The following TRPM8 variants were observed in gnomAD, a reference collection of about 807,000 sequenced individuals.
The protein encoded by TRPM8 is TRPM8 cationic channel.
A neutral mutation model predicts 133.7 loss-of-function variants in TRPM8; 110 were observed. The observed-to-expected ratio is 0.82, with a 90% confidence interval of 0.70 to 0.96. TRPM8 has a LOEUF of 0.96. TRPM8 is among the 40% of genes least tolerant of loss of function. TRPM8 has a pLI of 0.00. For synonymous variants in TRPM8, 535 were observed against 532.3 expected, an observed-to-expected ratio of 1.01 and a Z score of -0.07; for missense variants, 1,291 against 1,379.5, an observed-to-expected ratio of 0.94 and a Z score of 1.02.
intron 2 of TRPM8, among the ~76,000 whole-genome samples, chr2:233,927,864 T>TCTCTC (rs1559516549): frequency 2.6e-5 from 1 of 38,860 alleles, no homozygotes; most frequent in African/African-American, 2.3e-4. Flanking sequence ...TTCTTTCTCT[T>TCTCTC]TCTTTCTTTC....
At chr2:233,985,188 G>C (rs1348203986) in intron 20 of TRPM8, among the ~76,000 whole-genome samples, 1 of 152,092 alleles carries the variant, frequency 6.6e-6, no homozygotes, top group Non-Finnish European at 1.5e-5. Flanking sequence ...CTTTGCCCAT[G>C]CTGTTGCCTC....
At position 233,945,914 on chromosome 2, in the gene TRPM8, T is replaced by C; in HGVS notation, c.758T>C (p.Leu253Pro). 1 of 1,614,200 alleles carries C rather than the reference T, an allele frequency of 6.2e-7. No individual in the cohort carries two copies. The highest frequency in any genetic ancestry group is 8.5e-7 in the Non-Finnish European group (1 of 1,180,020). ...DDFTRDPLYI[L>P]DNNHTHLLLV... ...TTCACAAGAGATCCACTGTATATCC[T>C]GGACAACAACCACACACATTTGCTG... is the stretch of plus-strand genomic sequence containing the variant. Residue 253 changes from leucine (L) to proline (P), a missense_variant, in exon 7 of 26, where the codon CTG (leucine) becomes CCG (proline). This residue lies in a region of TRPM8 where 963 missense variants were observed against 968.9 expected (regional missense o/e 0.99). Coordinates refer to ENST00000324695, the MANE Select transcript of TRPM8 (RefSeq NM_024080.5).
intron 22 of TRPM8, among the ~76,000 whole-genome samples, chr2:233,997,454 C>G (rs948470808): frequency 2.6e-5 from 4 of 152,094 alleles, no homozygotes; most frequent in Non-Finnish European, 5.9e-5. Context: ...GGGGACTGAC[C>G]CTCCACAGCT....
chr2:233,972,459 T>C (rs1053230263), intron 17 of TRPM8, among the ~76,000 whole-genome samples: 5 of 152,260 alleles, frequency 3.3e-5, no homozygotes, highest in Admixed American at 6.5e-5. Context: ...AGTCCTGCGC[T>C]GTGCGCCCGC....
intron 17 of TRPM8, among the ~76,000 whole-genome samples, chr2:233,971,484 C>T (rs539133866): frequency 1.6e-4 from 25 of 152,298 alleles, no homozygotes; most frequent in South Asian, 1.2e-3. Flanking sequence ...CTGTGTCTGA[C>T]TTTCCTTGCC....
At position 233,969,710 on chromosome 2, in the gene TRPM8, C is replaced by T. The variant is rs1303089782; in HGVS notation, c.2041C>T (p.Gln681Ter). ...TTCCCTGTAGAATTTTCTTTCTAAG[C>T]AATGGTATGGAGAGATTTCCCGAGA... is the stretch of plus-strand genomic sequence containing the variant. Reference protein sequence around the residue: ...QPGVQNFLSKQWYGEISRDTK... With the variant: ...QPGVQNFLSK The change falls in exon 16 of 26, where the codon CAA (glutamine) becomes TAA (stop). Residue 681 changes from glutamine (Q) to a stop codon, truncating the protein, a stop_gained. Transcript: ENST00000324695. LOFTEE classifies it high-confidence loss of function. 4.3e-6 allele frequency: 7 copies of T among 1,610,388 alleles called. No homozygotes were observed. Among genetic ancestry groups the T allele is most frequent in the South Asian group, 1.1e-5 (1 of 90,982 alleles).
chr2:233,985,917 G>T, intron 21 of TRPM8, 52 bp downstream of exon 21: 1 of 1,538,360 alleles, frequency 6.5e-7, no homozygotes. Flanking sequence ...CAAGCCCCAT[G>T]CCAGGCTGGA....
chr2:233,963,474 A>C, intron 13 of TRPM8, 97 bp downstream of exon 13: 1 of 672,260 alleles, frequency 1.5e-6, no homozygotes, highest in Non-Finnish European at 2.5e-6. Context: ...ATAAAACATC[A>C]TCAGTGAAAT....
chr2:233,973,923 C>T (rs1691798354), intron 17 of TRPM8, among the ~76,000 whole-genome samples: 1 of 152,196 alleles, frequency 6.6e-6, no homozygotes, highest in African/African-American at 2.4e-5. Context: ...TGGGTGAGGC[C>T]CTGCGTTTTC....
At chr2:233,994,759 T>C (rs1574773706) in intron 21 of TRPM8, among the ~76,000 whole-genome samples, 1 of 152,184 alleles carries the variant, frequency 6.6e-6, no homozygotes, top group South Asian at 2.1e-4. Flanking sequence ...TCTCGTAACA[T>C]ATGTAATCGA....
chr2:233,917,793 A>G (rs1691331776), intron 1 of TRPM8, among the ~76,000 whole-genome samples: 1 of 149,560 alleles, frequency 6.7e-6, no homozygotes, highest in Admixed American at 6.6e-5. Flanking sequence ...TGACTATCTG[A>G]AGCAATCCTA....
intron 22 of TRPM8, among the ~76,000 whole-genome samples, chr2:234,001,421 G>T (rs1692560714): frequency 6.6e-6 from 1 of 151,882 alleles, no homozygotes; most frequent in African/African-American, 2.4e-5. Flanking sequence ...TGAAAAAAGT[G>T]CTCATAAAAT....
intron 4 of TRPM8, among the ~76,000 whole-genome samples, chr2:233,938,180 C>T (rs1690808445): frequency 6.6e-6 from 1 of 152,244 alleles, no homozygotes; most frequent in East Asian, 1.9e-4. Flanking sequence ...TCCCTGTGGC[C>T]TCAGCATGGC....
chr2:233,918,226 C>T (rs1691340777), intron 1 of TRPM8, among the ~76,000 whole-genome samples: 1 of 151,780 alleles, frequency 6.6e-6, no homozygotes, highest in Non-Finnish European at 1.5e-5. Flanking sequence ...AAAGGACTTA[C>T]TTCCAAGGTT....
At chr2:233,919,671 T>C (rs1222024755) in intron 1 of TRPM8, among the ~76,000 whole-genome samples, 1 of 151,854 alleles carries the variant, frequency 6.6e-6, no homozygotes, top group Non-Finnish European at 1.5e-5. Context: ...CCATGTGTTA[T>C]ATGGATTATT....
At chr2:233,994,504 C>T (rs1284745323) in intron 21 of TRPM8, among the ~76,000 whole-genome samples, 2 of 152,160 alleles carry the variant, frequency 1.3e-5, no homozygotes, top group African/African-American at 4.8e-5. Flanking sequence ...AAATCCTTTT[C>T]TTTTAAGGAT....
chr2:233,975,791 A>T (rs1484820169), intron 17 of TRPM8, among the ~76,000 whole-genome samples: 8 of 152,346 alleles, frequency 5.3e-5, no homozygotes, highest in African/African-American at 1.9e-4. Context: ...CTGAGGCAGT[A>T]GAATCGCTTG....
In TRPM8 at chr2:234,018,538, A is replaced by G. The variant is rs974748484; in HGVS notation, c.*1282A>G. On this transcript the variant is annotated 3_prime_UTR_variant, in exon 26 of 26. Coordinates refer to ENST00000324695, the MANE Select transcript of TRPM8 (RefSeq NM_024080.5). ...ATAAGATATGAGATACATGAACCTG[A>G]ACTATTAAAATAAAATATTATATTT... is the stretch of plus-strand genomic sequence containing the variant. 2.6e-5 allele frequency: 4 copies of G among 152,006 alleles called. No homozygotes were observed. The highest frequency in any genetic ancestry group is 9.7e-5 in the African/African-American group (4 of 41,432). The allele number at this position is 152,006 out of a possible 1,614,324, so 9.4% of individuals were successfully genotyped here. A position where few individuals can be genotyped will look rare whatever the true frequency, so the allele number is the denominator to read the frequency against.
chr2:233,930,433 A>G (rs1691657282), intron 2 of TRPM8, among the ~76,000 whole-genome samples: 2 of 152,102 alleles, frequency 1.3e-5, no homozygotes, highest in East Asian at 1.9e-4. Context: ...TATAAATAAG[A>G]TAAGTCCAAA....
Sources: gnomAD v4.1 joint callset for allele counts (sites outside exome capture counted in the v4.1 genomes callset) on GRCh38, gnomAD v4.1.1 for gene constraint, gnomAD v4.1.1 regional missense constraint, MANE v1.5 for transcripts, NCBI Gene and HGNC (gene_info 2026-07-23, HGNC 2026-07-21) for gene names.